Variants in PTGER3 observed in about 807,000 individuals in gnomAD.
PTGER3 encodes prostaglandin E receptor 3, also known as prostaglandin E2 receptor EP3 subtype.
A neutral mutation model predicts 34.7 loss-of-function variants in PTGER3; 22 were observed. That is an observed-to-expected ratio of 0.63 (90% CI 0.45 to 0.91). The LOEUF (loss-of-function observed/expected upper bound fraction) is 0.91, where lower values mean the gene tolerates loss of function less well. Among genes scored for constraint, PTGER3 ranks in the 40% least tolerant of loss-of-function variants. The pLI, the probability that PTGER3 is intolerant of heterozygous loss-of-function variation, is 0.00. For missense variants in PTGER3, 468 were observed against 519.4 expected (o/e 0.90, Z 0.96); for synonymous variants, 241 against 230.1 (o/e 1.05, Z -0.43).
At position 71,047,401 on chromosome 1, in the gene PTGER3, C is replaced by G; in HGVS notation, c.177G>C (p.Leu59=). 6.2e-7 allele frequency: 1 copy of G among 1,611,756 alleles called. No individual in the cohort carries two copies. Among genetic ancestry groups the G allele is most frequent in the Non-Finnish European group, 8.5e-7 (1 of 1,179,660 alleles). ...SVSVAFPITM[L]LTGFVGNALA... is the part of the protein sequence containing the mutation. ...GTGCGTTGCCCACGAAACCAGTGAG[C>G]AGCATGGTGATCGGGAAGGCCACGG... Residue 59 remains leucine (L), a synonymous_variant, in exon 1 of 4, where the codon CTG becomes CTC. Transcript: ENST00000306666.
chr1:71,012,285 C>A lies in PTGER3; in HGVS notation c.1077+20G>T. On this transcript the variant is annotated intron_variant, in intron 2 of 3. Transcript: ENST00000306666. The stretch of plus-strand genomic sequence containing the variant: ...CCCTTTCTGTCCATCATTAGAGCAG[C>A]TGGAGACAGCATTTGCTACCTGGCA... 6.2e-7 allele frequency: 1 copy of A among 1,614,122 alleles called. No homozygotes were observed.
At chr1:70,854,893 G>A (rs1185494916) in intron 4 of PTGER3, among the ~76,000 whole-genome samples, 1 of 152,164 alleles carries the variant, frequency 6.6e-6, no homozygotes, top group Non-Finnish European at 1.5e-5. Context: ...TGACAATGCA[G>A]CCAGTAAGAA....
At position 70,971,117 on chromosome 1, in the gene PTGER3, C is replaced by A. The variant is rs1653035412; in HGVS notation, c.*613G>T. The A allele has an allele frequency of 1.0e-6, 1 of 985,202 alleles. No homozygotes were observed. The highest frequency in any genetic ancestry group is 1.2e-6 in the Non-Finnish European group (1 of 829,898). The allele number at this position is 985,202 out of a possible 1,614,324, so 61.0% of individuals were successfully genotyped here. The stretch of plus-strand genomic sequence containing the variant: ...CAGATTCCTGAGTTACTAAATGACA[C>A]ATAACTAGAATTGAGACTTAGGAAC... On this transcript the variant is annotated 3_prime_UTR_variant, in exon 4 of 4. Transcript: ENST00000306666.
chr1:70,996,639 T>TTTTTTAATTTATTTATTTATTTA lies in PTGER3; in HGVS notation c.1077+15665_1077+15666insTAAATAAATAAATAAATTAAAAA, dbSNP rs774610328. ...CCATGCCCGGCTAATTTTTTTGTAT[T>TTTTTTAATTTATTTATTTATTTA]TTTATTTATTTATTTATTTATTTAT... On this transcript the variant is annotated intron_variant, in intron 2 of 3. Transcript: ENST00000306666. Among the ~76,000 whole-genome samples, 62 of 122,748 alleles carry TTTTTTAATTTATTTATTTATTTA rather than the reference T, an allele frequency of 5.1e-4. 1 individual carries two copies. The highest frequency in any genetic ancestry group is 1.7e-3 in the African/African-American group (58 of 33,366). 80.5% of individuals were successfully genotyped at this position (122,748 alleles called of 152,430 possible).
chr1:71,004,847 C>T (rs1331071912), intron 2 of PTGER3, among the ~76,000 whole-genome samples: 1 of 152,190 alleles, frequency 6.6e-6, no homozygotes, highest in East Asian at 1.9e-4. Context: ...AGTGGCAGCA[C>T]CACATTTTTG....
rs757682619 is a variant in PTGER3 at position 70,974,354 on chromosome 1, G to A, written c.1112C>T (p.Ser371Phe). The A allele has an allele frequency of 5.6e-6, 7 of 1,259,124 alleles. No individual in the cohort carries two copies. In the South Asian group the frequency reaches 8.3e-5, roughly 15 times the overall value. The allele number at this position is 1,259,124 out of a possible 1,614,324, so 78.0% of individuals were successfully genotyped here. Reference sequence around the variant, plus strand: ...GGAACACTGGCAGGGTAAGGAGGTGGAGCTGGATGCATAGTTGTTTGTGTG... The same window carrying A: ...GGAACACTGGCAGGGTAAGGAGGTGAAGCTGGATGCATAGTTGTTTGTGTG... Reference protein sequence around the residue: ...RYHTNNYASSSTSLPCQCSST... With the variant: ...RYHTNNYASSFTSLPCQCSST... Residue 371 changes from serine (S) to phenylalanine (F), a missense_variant, in exon 3 of 4, where the codon TCC (serine) becomes TTC (phenylalanine). Transcript: ENST00000306666.
chr1:70,948,893 T>C (rs977491164), downstream of PTGER3, among the ~76,000 whole-genome samples: 8 of 152,138 alleles, frequency 5.3e-5, no homozygotes, highest in South Asian at 2.1e-4. Context: ...CTTCCACAAA[T>C]GTTCCCTTTA....
Position 71,047,440 on chromosome 1 carries a change from A to G in PTGER3, c.138T>C (p.Asp46=), listed in dbSNP as rs1660952773. The change falls in exon 1 of 4, where the codon GAT becomes GAC. Residue 46 remains aspartate (D), a synonymous_variant. Coordinates refer to ENST00000306666, the MANE Select transcript of PTGER3 (RefSeq NM_198719.2). ...GGAAGGCCACGGACACCGATCCGCAATCCTCGCCAGACCCTGGAGGGCGCG... is the reference window on the plus strand; with the variant it reads ...GGAAGGCCACGGACACCGATCCGCAGTCCTCGCCAGACCCTGGAGGGCGCG... ...NLTRPPGSGE[D]CGSVSVAFPI... 6.2e-7 allele frequency: 1 copy of G among 1,611,300 alleles called. No homozygotes were observed. The highest frequency in any genetic ancestry group is 1.7e-5 in the Admixed American group (1 of 59,888).
At chr1:71,010,887 T>C (rs1657382727) in intron 2 of PTGER3, 3 of 985,134 alleles carry the variant, frequency 3.0e-6, no homozygotes, top group East Asian at 1.1e-4. Context: ...TCTTTACCAC[T>C]AAACACACAC....
intron 2 of PTGER3, among the ~76,000 whole-genome samples, chr1:70,979,000 C>G (rs947778855): frequency 1.3e-5 from 2 of 152,126 alleles, no homozygotes; most frequent in Admixed American, 6.6e-5. Context: ...TAGATTTAAT[C>G]CACGCATAAA....
chr1:71,015,518 G>T (rs1407925318), intron 1 of PTGER3, among the ~76,000 whole-genome samples: 1 of 152,164 alleles, frequency 6.6e-6, no homozygotes. Flanking sequence ...TGAGATAAAA[G>T]ATGTAATTGT....
At chr1:70,939,529 C>G (rs931989750) in intron 4 of PTGER3, among the ~76,000 whole-genome samples, 3 of 152,240 alleles carry the variant, frequency 2.0e-5, no homozygotes, top group Non-Finnish European at 4.4e-5. Flanking sequence ...GGCTCCGCCC[C>G]TGCAGCAAAC....
At chr1:70,947,665 C>A (rs559617376), downstream of PTGER3, among the ~76,000 whole-genome samples, 1 of 152,122 alleles carries the variant, frequency 6.6e-6, no homozygotes, top group South Asian at 2.1e-4. Context: ...ATGCACAAAC[C>A]CAGGCTTTCC....
At chr1:71,033,964 T>G (rs1659610444) in intron 1 of PTGER3, among the ~76,000 whole-genome samples, 1 of 152,148 alleles carries the variant, frequency 6.6e-6, no homozygotes, top group Non-Finnish European at 1.5e-5. Flanking sequence ...CTACTCTGTA[T>G]AGTTATTGGT....
intron 3 of PTGER3, among the ~76,000 whole-genome samples, chr1:70,973,206 A>G (rs1572813715): frequency 1.6e-5 from 2 of 125,142 alleles, no homozygotes. Flanking sequence ...GATAGATGAT[A>G]GATAGATAGA....
intron 2 of PTGER3, among the ~76,000 whole-genome samples, chr1:70,964,882 G>A (rs1019423652): frequency 3.9e-5 from 6 of 152,250 alleles, no homozygotes; most frequent in East Asian, 1.9e-4. Flanking sequence ...GCCATACACC[G>A]TGATAGACAC....
At chr1:70,985,585 C>A (rs1654840313) in intron 2 of PTGER3, among the ~76,000 whole-genome samples, 2 of 152,096 alleles carry the variant, frequency 1.3e-5, no homozygotes, top group Admixed American at 1.3e-4. Context: ...TTAGGCAAAT[C>A]TGAAGCCTGT....
At chr1:70,931,661 G>C (rs375068684) in intron 4 of PTGER3, among the ~76,000 whole-genome samples, 1 of 152,212 alleles carries the variant, frequency 6.6e-6, no homozygotes, top group Non-Finnish European at 1.5e-5. Flanking sequence ...CATGGGCCAA[G>C]CTGTATGTTG....
intron 1 of PTGER3, among the ~76,000 whole-genome samples, chr1:71,025,795 A>C (rs1658876855): frequency 6.6e-6 from 1 of 152,232 alleles, no homozygotes; most frequent in Non-Finnish European, 1.5e-5. Flanking sequence ...TTTTCCCTTC[A>C]CAAGAGCCAA....
Sources: allele counts gnomAD v4.1 joint callset (sites outside exome capture counted in the v4.1 genomes callset), GRCh38; gene constraint gnomAD v4.1.1; transcripts MANE v1.5; gene names NCBI Gene and HGNC (gene_info 2026-07-23, HGNC 2026-07-21).